Variants in RGS3 observed in about 807,000 individuals in gnomAD.
RGS3 encodes the protein regulator of G protein signaling 3.
RGS3 carries 80 observed loss-of-function variants against 132.6 expected under a neutral mutation model. The ratio of observed to expected loss-of-function variants is 0.60; its 90% CI spans 0.50 to 0.73. The LOEUF (loss-of-function observed/expected upper bound fraction) is 0.73. Among genes scored for constraint, RGS3 ranks in the 30% least tolerant of loss-of-function variants. The pLI is 0.00. For synonymous variants in RGS3, 598 were observed against 620.6 expected (o/e 0.96, Z 0.54); for missense variants, 1,382 against 1,530.8 (o/e 0.90, Z 1.62).
At chr9:113,534,313 C>T (rs1364282971) in intron 18 of RGS3, among the ~76,000 whole-genome samples, 1 of 152,208 alleles carries the variant, frequency 6.6e-6, no homozygotes, top group Non-Finnish European at 1.5e-5. Context: ...AGTATGACCT[C>T]TCCCTTTATG....
chr9:113,572,603 A>G (rs777068467), intron 19 of RGS3, among the ~76,000 whole-genome samples: 1 of 152,182 alleles, frequency 6.6e-6, no homozygotes, highest in Non-Finnish European at 1.5e-5. Flanking sequence ...ACTGGGGCAG[A>G]CAGATAAGGC....
intron 9 of RGS3, 118 bp from the exon 8 acceptor site, chr9:113,497,907 A>G (rs1830738107): frequency 1.1e-6 from 1 of 942,178 alleles, no homozygotes; most frequent in African/African-American, 1.7e-5. Context: ...TCCTGAGGCC[A>G]GGAGTGGCCC....
At chr9:113,594,019 C>T in intron 21 of RGS3, 2 of 1,613,088 alleles carry the variant, frequency 1.2e-6, no homozygotes, top group Non-Finnish European at 8.5e-7. Flanking sequence ...TTCACGGCTC[C>T]CTCTCAGGGT....
rs1427833200 is a variant in RGS3, at chr9:113,565,361, G to A, written c.2038-18089G>A. On this transcript the variant is annotated intron_variant, in intron 19 of 24. Coordinates refer to ENST00000350696, the Ensembl canonical transcript of RGS3. The surrounding 1 kb of genome is among the most constrained non-coding windows in gnomAD (Gnocchi z 5.7). ...GAGTGGCGGTGGCCGGCTAGACAGG[G>A]TGTGTGTTTGGGAAAGGCGCTGGAG... The A allele has an allele frequency of 7.8e-7, 1 of 1,289,778 alleles. No homozygotes were observed. Among genetic ancestry groups the A allele is most frequent in the Admixed American group, 2.3e-5 (1 of 43,538 alleles). 79.9% of individuals were successfully genotyped at this position (1,289,778 alleles called of 1,614,324 possible).
At chr9:113,457,812 A>G, upstream of RGS3, among the ~76,000 whole-genome samples, 1 of 152,340 alleles carries the variant, frequency 6.6e-6, no homozygotes, top group South Asian at 2.1e-4. Flanking sequence ...GGTTACTAGA[A>G]AACCCAGGTA....
At chr9:113,576,979 T>A (rs897525697) in intron 19 of RGS3, among the ~76,000 whole-genome samples, 2 of 152,204 alleles carry the variant, frequency 1.3e-5, no homozygotes, top group Admixed American at 6.5e-5. Flanking sequence ...ATCAACTTTT[T>A]AATTTTTTGA....
intron 3 of RGS3, among the ~76,000 whole-genome samples, chr9:113,473,997 T>C (rs1440154139): frequency 6.6e-6 from 1 of 152,206 alleles, no homozygotes; most frequent in Non-Finnish European, 1.5e-5. Flanking sequence ...CTGCAGTAGA[T>C]TCAGGAGTTT....
intron 10 of RGS3, chr9:113,505,224 T>G (rs1588170827): frequency 5.2e-6 from 3 of 573,580 alleles, no homozygotes; most frequent in Admixed American, 3.0e-5. Flanking sequence ...CTGGGTTTAC[T>G]TGCTGAGCTT....
At chr9:113,580,333 C>T (rs1028545587) in intron 19 of RGS3, among the ~76,000 whole-genome samples, 28 of 152,250 alleles carry the variant, frequency 1.8e-4, no homozygotes, top group African/African-American at 6.5e-4. Context: ...AGTTCTAATC[C>T]TGCATCAGCC....
intron 6 of RGS3, among the ~76,000 whole-genome samples, chr9:113,484,789 A>G (rs1378347084): frequency 2.0e-5 from 3 of 152,212 alleles, no homozygotes; most frequent in Non-Finnish European, 2.9e-5. Flanking sequence ...TCTGGGGCCA[A>G]TGGGAAGGTA....
At chr9:113,452,161 G>A (rs1829260386) in intron 1 of RGS3, among the ~76,000 whole-genome samples, 1 of 151,872 alleles carries the variant, frequency 6.6e-6, no homozygotes, top group Admixed American at 6.6e-5. Context: ...ACCATATCTG[G>A]TTACTTTTTA....
intron 17 of RGS3, 29 bp from the exon 16 acceptor site, chr9:113,529,192 T>G (rs781300424): frequency 6.3e-7 from 1 of 1,596,424 alleles, no homozygotes; most frequent in South Asian, 1.1e-5. Context: ...CCAGTTCTAA[T>G]GCAAATCTTA....
intron 5 of RGS3, 141 bp downstream of exon 3, chr9:113,483,258 T>C (rs1830222981): frequency 1.5e-6 from 1 of 664,438 alleles, no homozygotes; most frequent in African/African-American, 1.8e-5. Context: ...CAATAGGCAT[T>C]TATTGGGCCC....
At chr9:113,522,783 A>G (rs1832018126) in intron 16 of RGS3, 147 bp from the exon 15 acceptor site, 2 of 702,374 alleles carry the variant, frequency 2.8e-6, no homozygotes, top group African/African-American at 3.5e-5. Flanking sequence ...CTGAGGCTGT[A>G]CTGAGCACTG....
rs999740731 is a variant in RGS3 at position 113,508,716 on chromosome 9, T to C, written c.1477+136T>C. On this transcript the variant is annotated intron_variant, in intron 14 of 24. Coordinates refer to ENST00000350696, the Ensembl canonical transcript of RGS3. Reference sequence around the variant, plus strand: ...GGTCACTTAGCCTATCGACACAGACTCTCTTTCCACGTGGTACCTTTTCTC... The same window carrying C: ...GGTCACTTAGCCTATCGACACAGACCCTCTTTCCACGTGGTACCTTTTCTC... 33 of 798,142 alleles carry C rather than the reference T, an allele frequency of 4.1e-5. No individual in the cohort carries two copies. The Admixed American group carries it at 4.6e-4, about 11-fold the overall frequency. The allele number at this position is 798,142 out of a possible 1,614,324, so 49.4% of individuals were successfully genotyped here.
chr9:113,543,863 A>G (rs1444421627), intron 19 of RGS3, among the ~76,000 whole-genome samples: 5 of 152,330 alleles, frequency 3.3e-5, no homozygotes, highest in African/African-American at 9.6e-5. Flanking sequence ...GGAAGTGGAC[A>G]TCAGTTCCTG....
intron 20 of RGS3, chr9:113,589,992 C>T (rs768477978): frequency 2.0e-5 from 3 of 152,140 alleles, no homozygotes; most frequent in Non-Finnish European, 4.4e-5. Context: ...TGTGCACGTA[C>T]ACACATGTAT....
At chr9:113,534,811 C>T (rs1016192978) in intron 18 of RGS3, among the ~76,000 whole-genome samples, 1 of 152,004 alleles carries the variant, frequency 6.6e-6, no homozygotes, top group South Asian at 2.1e-4. Flanking sequence ...GAGACTGGGT[C>T]TCACTGTGTT....
intron 17 of RGS3, among the ~76,000 whole-genome samples, chr9:113,528,107 T>C (rs1264829563): frequency 2.0e-5 from 3 of 152,194 alleles, no homozygotes; most frequent in Non-Finnish European, 2.9e-5. Context: ...GGGTCAAGCA[T>C]ATCCATGGGA....
Sources: allele counts gnomAD v4.1 joint callset (sites outside exome capture counted in the v4.1 genomes callset), GRCh38; gene constraint gnomAD v4.1.1; non-coding constraint Gnocchi (gnomAD v3.1); transcripts MANE v1.5; gene names NCBI Gene and HGNC (gene_info 2026-07-23, HGNC 2026-07-21).